AGMO: variants seen among roughly 807,000 people sequenced by gnomAD.
AGMO encodes glyceryl-ether monooxygenase.
A neutral mutation model predicts 60.2 loss-of-function variants in AGMO; 75 were observed. The observed-to-expected ratio is 1.25, with a 90% confidence interval of 1.03 to 1.51. AGMO has a LOEUF of 1.51. AGMO is among the 40% of genes most tolerant of loss of function. The pLI, the probability that AGMO is intolerant of heterozygous loss-of-function variation, is 0.00. For synonymous variants in AGMO, 261 were observed against 177.1 expected (o/e 1.47, Z -3.76); for missense variants, 763 against 525.5 (o/e 1.45, Z -4.42).
chr7:15,317,781 A>G (rs1780971361), intron 12 of AGMO, among the ~76,000 whole-genome samples: 1 of 151,604 alleles, frequency 6.6e-6, no homozygotes, highest in South Asian at 2.1e-4. Flanking sequence ...GGTGGTATTC[A>G]ATGAATGGCA....
intron 3 of AGMO, among the ~76,000 whole-genome samples, chr7:15,485,954 A>G (rs1782910266): frequency 6.6e-6 from 1 of 152,160 alleles, no homozygotes; most frequent in South Asian, 2.1e-4. Context: ...AGTGAAGTTC[A>G]ATTATACTTT....
At chr7:15,140,392 C>T in the AGMO span, among the ~76,000 whole-genome samples, 1 of 152,056 alleles carries the variant, frequency 6.6e-6, no homozygotes, top group African/African-American at 2.4e-5. Context: ...TGTTTCACTA[C>T]AATGCTATTA....
At chr7:15,236,106 C>G (rs973248096) in intron 12 of AGMO, among the ~76,000 whole-genome samples, 8 of 151,946 alleles carry the variant, frequency 5.3e-5, no homozygotes, top group Non-Finnish European at 1.2e-4. Flanking sequence ...GGGGAAAGCA[C>G]AAGGAATTCA....
chr7:15,287,029 G>T (rs1258169292), intron 12 of AGMO, among the ~76,000 whole-genome samples: 3 of 152,084 alleles, frequency 2.0e-5, no homozygotes, highest in Admixed American at 6.5e-5. Flanking sequence ...CTGTGGGTAT[G>T]CAAAGGCATA....
the AGMO span, among the ~76,000 whole-genome samples, chr7:15,122,756 C>T: frequency 2.2e-4 from 34 of 152,200 alleles, no homozygotes; most frequent in African/African-American, 8.2e-4. Flanking sequence ...CCACTTCTAC[C>T]TTCACAGCTT....
At chr7:15,197,781 A>G (rs1781157438), downstream of AGMO, among the ~76,000 whole-genome samples, 1 of 152,218 alleles carries the variant, frequency 6.6e-6, no homozygotes, top group African/African-American at 2.4e-5. Flanking sequence ...GGAGCATCAA[A>G]TTGAATTGAA....
the AGMO span, among the ~76,000 whole-genome samples, chr7:15,161,757 ACAC>A: frequency 6.6e-6 from 1 of 151,836 alleles, no homozygotes. Context: ...CCACACACGC[ACAC>A]CCTATTGGTT....
intron 12 of AGMO, among the ~76,000 whole-genome samples, chr7:15,219,886 C>T (rs921285368): frequency 2.6e-5 from 4 of 152,130 alleles, no homozygotes; most frequent in Non-Finnish European, 5.9e-5. Flanking sequence ...CTGATAATCC[C>T]CTAACATCTT....
chr7:15,478,097 T>C (rs1782644260), intron 3 of AGMO, among the ~76,000 whole-genome samples: 1 of 152,090 alleles, frequency 6.6e-6, no homozygotes, highest in African/African-American at 2.4e-5. Context: ...TGTAAAAAAA[T>C]AAAAGTTGTT....
At chr7:15,246,863 T>A (rs571923958) in intron 12 of AGMO, among the ~76,000 whole-genome samples, 1 of 152,306 alleles carries the variant, frequency 6.6e-6, no homozygotes, top group African/African-American at 2.4e-5. Context: ...TCCTATTTTC[T>A]GGCTTCCCAT....
At chr7:15,372,120 A>G (rs1404356824) in intron 10 of AGMO, among the ~76,000 whole-genome samples, 2 of 151,080 alleles carry the variant, frequency 1.3e-5, no homozygotes, top group Non-Finnish European at 2.9e-5. Context: ...ATCCTTTGAT[A>G]GACTACTAAG....
chr7:15,510,230 A>C (rs893826324), intron 3 of AGMO, among the ~76,000 whole-genome samples: 100 of 152,204 alleles, frequency 6.6e-4, no homozygotes, highest in African/African-American at 2.4e-3. Flanking sequence ...CAATGGTGTG[A>C]ACATGTCTCA....
At chr7:15,205,885 G>A (rs1168683913) in intron 12 of AGMO, among the ~76,000 whole-genome samples, 1 of 152,050 alleles carries the variant, frequency 6.6e-6, no homozygotes, top group Non-Finnish European at 1.5e-5. Flanking sequence ...TAGTATCAGT[G>A]AGGTTTATAA....
chr7:15,229,118 C>A (rs1490490938), intron 12 of AGMO, among the ~76,000 whole-genome samples: 4 of 152,072 alleles, frequency 2.6e-5, no homozygotes, highest in Non-Finnish European at 5.9e-5. Context: ...CCAGTTCAAC[C>A]AACTTTTCAG....
intron 12 of AGMO, among the ~76,000 whole-genome samples, chr7:15,286,548 G>T (rs1232770040): frequency 6.6e-6 from 1 of 151,978 alleles, no homozygotes; most frequent in Admixed American, 6.5e-5. Flanking sequence ...TGCAAGTGTG[G>T]TCATTATTAT....
intron 12 of AGMO, among the ~76,000 whole-genome samples, chr7:15,281,518 T>C (rs913318368): frequency 6.6e-6 from 1 of 151,936 alleles, no homozygotes; most frequent in African/African-American, 2.4e-5. Flanking sequence ...GCCAGAACAT[T>C]GGGTCAGGAG....
At chr7:15,352,592 G>T (rs1224366400) in intron 12 of AGMO, among the ~76,000 whole-genome samples, 1 of 151,920 alleles carries the variant, frequency 6.6e-6, no homozygotes, top group African/African-American at 2.4e-5. Context: ...CAATTTTACG[G>T]TCAATTGGCG....
At chr7:15,365,089 A>G (rs1782918914) in intron 12 of AGMO, among the ~76,000 whole-genome samples, 1 of 151,998 alleles carries the variant, frequency 6.6e-6, no homozygotes, top group South Asian at 2.1e-4. Context: ...ATTTCTGTAG[A>G]ATGATTACTT....
At chr7:15,130,734 A>G in the AGMO span, among the ~76,000 whole-genome samples, 1 of 152,158 alleles carries the variant, frequency 6.6e-6, no homozygotes, top group East Asian at 1.9e-4. Context: ...TGCTTAAAGG[A>G]ATACAGAAGT....
Sources: allele counts gnomAD v4.1 joint callset (sites outside exome capture counted in the v4.1 genomes callset), GRCh38; gene constraint gnomAD v4.1.1; transcripts MANE v1.5; gene names NCBI Gene and HGNC (gene_info 2026-07-23, HGNC 2026-07-21).